Variants in ABLIM1 observed in about 807,000 individuals in gnomAD.
The protein encoded by ABLIM1 is actin binding LIM protein 1.
A neutral mutation model predicts 107.0 loss-of-function variants in ABLIM1; 40 were observed. The ratio of observed to expected loss-of-function variants is 0.37; its 90% CI spans 0.29 to 0.49. The LOEUF is 0.49. Ranked by LOEUF, ABLIM1 falls within the 20% of genes least tolerant of loss-of-function variation. The pLI, the probability that ABLIM1 is intolerant of heterozygous loss-of-function variation, is 0.97. For synonymous variants in ABLIM1, 357 were observed against 357.3 expected, an observed-to-expected ratio of 1.00 and a Z score of 0.01; for missense variants, 857 against 1,008.5, an observed-to-expected ratio of 0.85 and a Z score of 2.04.
chr10:114,569,845 G>A (rs867157582), intron 4 of ABLIM1, among the ~76,000 whole-genome samples: 9 of 152,220 alleles, frequency 5.9e-5, no homozygotes, highest in South Asian at 2.1e-4. Context: ...GTTATTTGTC[G>A]GAAGGTCACA....
At chr10:114,446,140 T>A (rs2060990268) in intron 15 of ABLIM1, among the ~76,000 whole-genome samples, 2 of 152,374 alleles carry the variant, frequency 1.3e-5, no homozygotes, top group South Asian at 4.1e-4. Context: ...AGTCATTGTT[T>A]TGTGACATGC....
At chr10:114,546,279 T>C (rs1180279900) in intron 5 of ABLIM1, among the ~76,000 whole-genome samples, 5 of 151,098 alleles carry the variant, frequency 3.3e-5, no homozygotes, top group South Asian at 2.1e-4. Context: ...GAAGAGCTTC[T>C]TGCCTTTTCT....
chr10:114,763,208 G>A (rs985764723), intron 1 of ABLIM1, among the ~76,000 whole-genome samples: 10 of 152,268 alleles, frequency 6.6e-5, no homozygotes, highest in African/African-American at 2.4e-4. Flanking sequence ...AAATTGTCTG[G>A]AAGGGTTTAT....
chr10:114,500,731 A>AAG (rs2060294367), intron 6 of ABLIM1, among the ~76,000 whole-genome samples: 1 of 73,046 alleles, frequency 1.4e-5, no homozygotes, highest in African/African-American at 6.0e-5. Flanking sequence ...AGGAAGGGAA[A>AAG]GGAAGGGAAG....
upstream of ABLIM1, among the ~76,000 whole-genome samples, chr10:114,662,265 A>G (rs2079826643): frequency 1.3e-5 from 2 of 152,204 alleles, no homozygotes; most frequent in Non-Finnish European, 2.9e-5. Context: ...AAAATGAAAG[A>G]ACAAAAAGAG....
intron 6 of ABLIM1, among the ~76,000 whole-genome samples, chr10:114,526,286 A>G (rs1002966601): frequency 2.6e-5 from 4 of 152,152 alleles, no homozygotes; most frequent in African/African-American, 9.7e-5. Context: ...CCACAGACAA[A>G]ACAAAACAAC....
At chr10:114,756,772 A>G (rs1208643683) in intron 1 of ABLIM1, among the ~76,000 whole-genome samples, 1 of 152,186 alleles carries the variant, frequency 6.6e-6, no homozygotes, top group African/African-American at 2.4e-5. Context: ...TCAAGGCCCT[A>G]TTTAAATATC....
chr10:114,539,978 C>A (rs1462394436), intron 6 of ABLIM1, among the ~76,000 whole-genome samples: 6 of 152,222 alleles, frequency 3.9e-5, no homozygotes, highest in African/African-American at 1.4e-4. Context: ...TGCCCCTGCA[C>A]TTCTTAATTA....
chr10:114,474,570 C>T (rs2067229046), intron 8 of ABLIM1, among the ~76,000 whole-genome samples: 1 of 152,020 alleles, frequency 6.6e-6, no homozygotes, highest in Non-Finnish European at 1.5e-5. Flanking sequence ...TTAGTAGAGA[C>T]AGGGTTTCAC....
intron 1 of ABLIM1, among the ~76,000 whole-genome samples, chr10:114,639,770 T>A (rs2078652390): frequency 6.6e-6 from 1 of 152,222 alleles, no homozygotes; most frequent in Non-Finnish European, 1.5e-5. Flanking sequence ...GTAAGTGAAG[T>A]CTGATGGGAG....
intron 1 of ABLIM1, among the ~76,000 whole-genome samples, chr10:114,681,883 G>A (rs2141581152): frequency 6.6e-6 from 1 of 152,304 alleles, no homozygotes; most frequent in South Asian, 2.1e-4. Flanking sequence ...TGCTCTGATT[G>A]ACCCACTGGT....
chr10:114,707,662 G>A lies in ABLIM1; in HGVS notation c.-213+60399C>T, dbSNP rs976760027. Among the ~76,000 whole-genome samples, 10 of 152,122 alleles carry A rather than the reference G, an allele frequency of 6.6e-5. No homozygotes were observed. Among genetic ancestry groups the A allele is most frequent in the African/African-American group, 2.4e-4 (10 of 41,442 alleles). ...CACTTATAATCCCAACACTTTGGGA[G>A]GCCGTGGTGGGCGGATCACTTAAGG... On this transcript the variant is annotated intron_variant, in intron 1 of 15. Transcript: ENST00000651092. The surrounding 1 kb of genome is among the most constrained non-coding windows in gnomAD (Gnocchi z 4.1).
At chr10:114,686,790 G>A (rs976690879), upstream of ABLIM1, among the ~76,000 whole-genome samples, 16 of 151,576 alleles carry the variant, frequency 1.1e-4, no homozygotes, top group Admixed American at 8.5e-4. Flanking sequence ...CACCATGCCC[G>A]GCTATTTTTT....
At chr10:114,689,559 G>A (rs191704584), upstream of ABLIM1, among the ~76,000 whole-genome samples, 2,400 of 151,692 alleles carry the variant, frequency 0.016, 26 homozygotes, top group Non-Finnish European at 0.026. Context: ...ACGGGGTTTC[G>A]CCATGTTAGC....
At chr10:114,715,415 G>T (rs1274268432) in intron 1 of ABLIM1, among the ~76,000 whole-genome samples, 1 of 152,172 alleles carries the variant, frequency 6.6e-6, no homozygotes, top group South Asian at 2.1e-4. Flanking sequence ...GGAAGTTTGG[G>T]AATCTCCTGC....
chr10:114,516,554 C>A (rs911606269), intron 6 of ABLIM1, among the ~76,000 whole-genome samples: 1 of 152,060 alleles, frequency 6.6e-6, no homozygotes, highest in African/African-American at 2.4e-5. Flanking sequence ...AAAACTGTTT[C>A]GCATCCAAGT....
rs141430082 is a variant in ABLIM1, at chr10:114,619,740, A to G, written c.245-17779T>C. On this transcript the variant is annotated intron_variant, in intron 1 of 22. Coordinates refer to ENST00000533213, the MANE Select transcript of ABLIM1 (RefSeq NM_002313.7). The surrounding 1 kb of genome is among the most constrained non-coding windows in gnomAD (Gnocchi z 4.1). ...ATAGGGAAAAGTGATCCCAACTGAAAAAGCAATTCCAGAAATACCAGGCTT... is the reference window on the plus strand; with the variant it reads ...ATAGGGAAAAGTGATCCCAACTGAAGAAGCAATTCCAGAAATACCAGGCTT... Among the ~76,000 whole-genome samples, 759 of 152,328 alleles carry G rather than the reference A, an allele frequency of 5.0e-3. 8 individuals are homozygous for G. Among genetic ancestry groups the G allele is most frequent in the African/African-American group, 0.017 (708 of 41,572 alleles).
chr10:114,559,292 A>G (rs2069259175), intron 4 of ABLIM1, among the ~76,000 whole-genome samples: 1 of 152,122 alleles, frequency 6.6e-6, no homozygotes, highest in South Asian at 2.1e-4. Context: ...GGCAATGGTC[A>G]CATGGCAACC....
chr10:114,655,676 A>G (rs2079469709), intron 1 of ABLIM1, among the ~76,000 whole-genome samples: 1 of 152,190 alleles, frequency 6.6e-6, no homozygotes, highest in East Asian at 1.9e-4. Context: ...ATTTGCTACA[A>G]TAGGCATACT....
Sources: gnomAD v4.1 joint callset for allele counts (sites outside exome capture counted in the v4.1 genomes callset) on GRCh38, gnomAD v4.1.1 for gene constraint, Gnocchi (gnomAD v3.1) non-coding constraint, MANE v1.5 for transcripts, NCBI Gene and HGNC (gene_info 2026-07-23, HGNC 2026-07-21) for gene names.